RSPH4A: variants seen among roughly 807,000 people sequenced by gnomAD.
RSPH4A encodes radial spoke head protein 4 homolog A.
RSPH4A carries 47 observed loss-of-function variants against 71.0 expected under a neutral mutation model. The observed-to-expected ratio is 0.66, with a 90% CI of 0.52 to 0.84. The LOEUF is 0.84. Among genes scored for constraint, RSPH4A ranks in the 40% least tolerant of loss-of-function variants. The probability of loss-of-function intolerance (pLI) is 0.00; values close to 1 mark genes in which losing one functional copy is unlikely to be tolerated. For synonymous variants in RSPH4A, 282 were observed against 302.3 expected, an observed-to-expected ratio of 0.93 and a Z score of 0.70; for missense variants, 793 against 855.2, an observed-to-expected ratio of 0.93 and a Z score of 0.91.
At position 116,617,768 on chromosome 6, in the gene RSPH4A, TTGGC is replaced by T. The variant is rs1775536428; in HGVS notation, c.686+462_686+465del. 9.9e-5 allele frequency among the ~76,000 whole-genome samples: 15 copies of T among 152,192 alleles called. No homozygotes were observed. In the South Asian group the frequency reaches 3.1e-3, roughly 32 times the overall value. On this transcript the variant is annotated intron_variant, in intron 1 of 5. Coordinates refer to ENST00000229554, the MANE Select transcript of RSPH4A (RefSeq NM_001010892.3). ...GTGCTAGGGTGACCACCATCTCAGT[TTGGC>T]TGAGCGCTGAAAGTTCTTTATCCTA...
At position 116,629,570 on chromosome 6, in the gene RSPH4A, C is replaced by T. The variant is rs777653223; in HGVS notation, c.1666C>T (p.Arg556Cys). ...HHVQHILSQGRCNWFNSIQKN... is the reference protein window; with the variant it reads ...HHVQHILSQGCCNWFNSIQKN... ...ATCTTGCAACATTCATTCCCAGGGTCGCTGTAATTGGTTCAACTCCATACA... is the reference window on the plus strand; with the variant it reads ...ATCTTGCAACATTCATTCCCAGGGTTGCTGTAATTGGTTCAACTCCATACA... Residue 556 changes from arginine (R) to cysteine (C), a missense_variant, in exon 4 of 6, where the codon CGC (arginine) becomes TGC (cysteine). By Grantham distance (180) the Arg-to-Cys change is radical. Transcript: ENST00000229554. 10 of 1,612,620 alleles carry T rather than the reference C, an allele frequency of 6.2e-6. No homozygotes were observed. The highest frequency in any genetic ancestry group is 2.7e-5 in the African/African-American group (2 of 74,952).
At chr6:116,629,859 A>G (rs1464026516) in intron 4 of RSPH4A, among the ~76,000 whole-genome samples, 157 bp downstream of exon 4, 1 of 152,204 alleles carries the variant, frequency 6.6e-6, no homozygotes, top group African/African-American at 2.4e-5. Flanking sequence ...ATAGGGAGTG[A>G]AGAATGTAGC....
chr6:116,628,880 T>C (rs1775744629), intron 3 of RSPH4A, among the ~76,000 whole-genome samples: 1 of 152,160 alleles, frequency 6.6e-6, no homozygotes, highest in African/African-American at 2.4e-5. Flanking sequence ...TGTGTGTTTG[T>C]GCGTGTGTAC....
Position 116,622,793 on chromosome 6 carries a change from A to G in RSPH4A, c.712A>G (p.Thr238Ala). Residue 238 changes from threonine (T) to alanine (A), a missense_variant, in exon 2 of 6, where the codon ACC (threonine) becomes GCC (alanine). Transcript: ENST00000229554. ...NLYDHLSNML[T>A]KILNERPENA... ...ATATGATCATCTTTCTAATATGTTG[A>G]CCAAGATATTAAATGAGCGTCCTGA... 6.2e-7 allele frequency: 1 copy of G among 1,606,424 alleles called. No individual in the cohort carries two copies. The highest frequency in any genetic ancestry group is 8.5e-7 in the Non-Finnish European group (1 of 1,173,160).
At chr6:116,618,566 T>C (rs1775548538) in intron 1 of RSPH4A, among the ~76,000 whole-genome samples, 1 of 152,148 alleles carries the variant, frequency 6.6e-6, no homozygotes, top group Non-Finnish European at 1.5e-5. Flanking sequence ...CAGGCTGGAG[T>C]GTAGTGGTGC....
rs983632022 is a variant in RSPH4A at position 116,616,768 on chromosome 6, C to A, written c.145C>A (p.Pro49Thr). 6.2e-7 allele frequency: 1 copy of A among 1,614,168 alleles called. No individual in the cohort carries two copies. The highest frequency in any genetic ancestry group is 8.5e-7 in the Non-Finnish European group (1 of 1,180,036). ...TGAGCCCTTGGAGGCGAAGCAGGGG[C>A]CAGAAACTGGACGCCAGTCCCGAAG... Reference protein sequence around the residue: ...SSEPLEAKQGPETGRQSRSSR... With the variant: ...SSEPLEAKQGTETGRQSRSSR... The change falls in exon 1 of 6, where the codon CCA becomes ACA. Residue 49 changes from proline (P) to threonine (T), a missense_variant. By Grantham distance (38) the Pro-to-Thr change is conservative. Coordinates refer to ENST00000229554, the MANE Select transcript of RSPH4A (RefSeq NM_001010892.3).
intron 2 of RSPH4A, among the ~76,000 whole-genome samples, chr6:116,626,972 A>G (rs1775705343): frequency 6.6e-6 from 1 of 152,192 alleles, no homozygotes; most frequent in Non-Finnish European, 1.5e-5. Context: ...ATATGTGTAC[A>G]TAGTTATTCT....
intron 1 of RSPH4A, among the ~76,000 whole-genome samples, chr6:116,621,200 T>G (rs549843967): frequency 6.6e-6 from 1 of 152,190 alleles, no homozygotes; most frequent in Non-Finnish European, 1.5e-5. Flanking sequence ...GGAAGCTTGA[T>G]GAAGTTTTAA....
chr6:116,616,782 C>T lies in RSPH4A; in HGVS notation c.159C>T (p.Arg53=). 3 of 1,614,166 alleles carry T rather than the reference C, an allele frequency of 1.9e-6. No homozygotes were observed. Among genetic ancestry groups the T allele is most frequent in the South Asian group, 2.2e-5 (2 of 91,078 alleles). The change falls in exon 1 of 6, where the codon CGC becomes CGT. Residue 53 remains arginine (R), a synonymous_variant. Coordinates refer to ENST00000229554, the MANE Select transcript of RSPH4A (RefSeq NM_001010892.3). ...LEAKQGPETG[R]QSRSSRPWSP... is the part of the protein sequence containing the mutation. Reference sequence around the variant, plus strand: ...CGAAGCAGGGGCCAGAAACTGGACGCCAGTCCCGAAGCAGCCGTCCTTGGA... The same window carrying T: ...CGAAGCAGGGGCCAGAAACTGGACGTCAGTCCCGAAGCAGCCGTCCTTGGA...
rs750920874 is a variant in RSPH4A at position 116,632,429 on chromosome 6, T to C, written c.2139T>C (p.Asp713=). Residue 713 remains aspartate, a synonymous_variant, in exon 6 of 6, where the codon GAT becomes GAC. Coordinates refer to ENST00000229554, the MANE Select transcript of RSPH4A (RefSeq NM_001010892.3). ...EESEEDEDEE[D]DYD The stretch of plus-strand genomic sequence containing the variant: ...CTGAGGAAGATGAAGATGAGGAAGA[T>C]GATTATGACTAATAAACATAAAATT... 3 of 1,612,626 alleles carry C rather than the reference T, an allele frequency of 1.9e-6. No individual in the cohort carries two copies. Among genetic ancestry groups the C allele is most frequent in the Non-Finnish European group, 1.7e-6 (2 of 1,179,318 alleles).
In RSPH4A at chr6:116,620,130, A is replaced by G. The variant is rs148994920; in HGVS notation, c.687-2638A>G. On this transcript the variant is annotated intron_variant, in intron 1 of 5. Transcript: ENST00000229554. ...TATGAACTTCTTGTCATAATGCCCTATGTTAGATAGCAAGCCTGAATTTAC... is the reference window on the plus strand; with the variant it reads ...TATGAACTTCTTGTCATAATGCCCTGTGTTAGATAGCAAGCCTGAATTTAC... 4.1e-3 allele frequency among the ~76,000 whole-genome samples: 628 copies of G among 152,332 alleles called. 3 individuals carry two copies. The highest frequency in any genetic ancestry group is 0.015 in the African/African-American group (606 of 41,576).
At chr6:116,621,398 C>T (rs566718486) in intron 1 of RSPH4A, among the ~76,000 whole-genome samples, 32 of 151,972 alleles carry the variant, frequency 2.1e-4, no homozygotes, top group Middle Eastern at 6.8e-3. Context: ...AAAGAAAAAA[C>T]GAAAAATATA....
chr6:116,626,503 G>A (rs1009953443), intron 2 of RSPH4A, among the ~76,000 whole-genome samples: 19 of 151,954 alleles, frequency 1.3e-4, no homozygotes, highest in African/African-American at 4.1e-4. Context: ...CACCACACCC[G>A]GCTGACTTTT....
At chr6:116,631,132 T>A (rs1775798361) in intron 5 of RSPH4A, among the ~76,000 whole-genome samples, 1 of 152,160 alleles carries the variant, frequency 6.6e-6, no homozygotes, top group Admixed American at 6.6e-5. Flanking sequence ...ATCTTAATTA[T>A]CCAATTTGTT....
Position 116,631,099 on chromosome 6 carries a change from G to A in RSPH4A, c.1916+547G>A, listed in dbSNP as rs2115367012. Among the ~76,000 whole-genome samples, 2 of 152,164 alleles carry A rather than the reference G, an allele frequency of 1.3e-5. 1 individual carries two copies. Among genetic ancestry groups the A allele is most frequent in the South Asian group, 4.2e-4 (2 of 4,818 alleles). On this transcript the variant is annotated intron_variant, in intron 5 of 5. Coordinates refer to ENST00000229554, the MANE Select transcript of RSPH4A (RefSeq NM_001010892.3). ...AACATCAAATTCAGGACATTAAGTA[G>A]TAATTTGGACTTTTACCCTTTCATC... is the stretch of plus-strand genomic sequence containing the variant.
At chr6:116,629,440 AGAAT>A (rs1775756250) in intron 3 of RSPH4A, 123 bp from the exon 4 acceptor site, 17 of 997,768 alleles carry the variant, frequency 1.7e-5, no homozygotes, top group Non-Finnish European at 2.3e-5. Flanking sequence ...AAATGTATGT[AGAAT>A]GAATGAATGA....
intron 5 of RSPH4A, among the ~76,000 whole-genome samples, chr6:116,631,639 C>G (rs1051904806): frequency 2.6e-5 from 4 of 152,188 alleles, no homozygotes; most frequent in African/African-American, 9.6e-5. Context: ...GGAACGGAAG[C>G]ACCTGGTCTA....
At position 116,628,049 on chromosome 6, in the gene RSPH4A, ATACC is replaced by A. The variant is rs774859888; in HGVS notation, c.1344_1347del (p.Ile448MetfsTer23). ...ACCATGGGTGAAGTTACCACCAGTT[ATACC>A]TGCACAAATTGTTATTGCAAGAAAA... is the stretch of plus-strand genomic sequence containing the variant. On this transcript the variant is annotated frameshift_variant, in exon 3 of 6. Coordinates refer to ENST00000229554, the MANE Select transcript of RSPH4A (RefSeq NM_001010892.3). LOFTEE classifies it high-confidence loss of function. The A allele has an allele frequency of 6.2e-7, 1 of 1,614,256 alleles. No homozygotes were observed. The highest frequency in any genetic ancestry group is 2.2e-5 in the East Asian group (1 of 44,886).
rs768174373 is a variant in RSPH4A, at chr6:116,632,235, G to A, written c.1945G>A (p.Gly649Ser). ...GTTTGAAAATTTCTACATAGGCTGG[G>A]GTCATAAGTATAGTCCAGACAATTA... ...KKFENFYIGW[G>S]HKYSPDNYTP... is the part of the protein sequence containing the mutation. Residue 649 changes from glycine to serine, a missense_variant, in exon 6 of 6, where the codon GGT becomes AGT. Gly to Ser is a moderately conservative substitution (Grantham distance 56). Coordinates refer to ENST00000229554, the MANE Select transcript of RSPH4A (RefSeq NM_001010892.3). 7 of 1,610,824 alleles carry A rather than the reference G, an allele frequency of 4.3e-6. No individual in the cohort carries two copies. Among genetic ancestry groups the A allele is most frequent in the Non-Finnish European group, 5.9e-6 (7 of 1,179,274 alleles).
Sources: gnomAD v4.1 joint callset for allele counts (sites outside exome capture counted in the v4.1 genomes callset) on GRCh38, gnomAD v4.1.1 for gene constraint, MANE v1.5 for transcripts, NCBI Gene and HGNC (gene_info 2026-07-23, HGNC 2026-07-21) for gene names.